The following UNC5C variants were observed in gnomAD, a reference collection of about 807,000 sequenced individuals.
UNC5C encodes netrin receptor UNC5C.
UNC5C carries 47 observed loss-of-function variants against 99.8 expected under a neutral mutation model. The ratio of observed to expected loss-of-function variants is 0.47; its 90% confidence interval spans 0.37 to 0.60. UNC5C has a LOEUF of 0.60. Ranked by LOEUF, UNC5C falls within the 20% of genes least tolerant of loss-of-function variation. The probability of loss-of-function intolerance (pLI) is 0.00; values close to 1 mark genes in which losing one functional copy is unlikely to be tolerated. For synonymous variants in UNC5C, 487 were observed against 452.2 expected, an observed-to-expected ratio of 1.08 and a Z score of -0.98; for missense variants, 1,062 against 1,165.9, an observed-to-expected ratio of 0.91 and a Z score of 1.30.
intron 14 of UNC5C, among the ~76,000 whole-genome samples, chr4:95,172,681 C>A (rs1443139636): frequency 1.3e-5 from 2 of 151,910 alleles, no homozygotes; most frequent in African/African-American, 4.8e-5. Flanking sequence ...TGTGATGCCT[C>A]CAGCTTTGTT....
At chr4:95,452,650 A>G (rs1747311573) in intron 1 of UNC5C, among the ~76,000 whole-genome samples, 1 of 152,216 alleles carries the variant, frequency 6.6e-6, no homozygotes, top group Non-Finnish European at 1.5e-5. Flanking sequence ...AGGTAGCACT[A>G]TCTTCACAGA....
At chr4:95,451,159 G>T (rs1301100289) in intron 1 of UNC5C, among the ~76,000 whole-genome samples, 1 of 152,172 alleles carries the variant, frequency 6.6e-6, no homozygotes, top group Non-Finnish European at 1.5e-5. Flanking sequence ...CAACGTGGAA[G>T]TCTTGTTAAT....
intron 1 of UNC5C, among the ~76,000 whole-genome samples, chr4:95,417,578 A>T (rs901754706): frequency 6.6e-6 from 1 of 152,204 alleles, no homozygotes; most frequent in African/African-American, 2.4e-5. Flanking sequence ...TCCTAAGCTA[A>T]TTAGCAATAC....
rs756809052 is a variant in UNC5C at position 95,185,043 on chromosome 4, T to G, written c.2286+4A>C. On this transcript the variant is annotated splice_donor_region_variant and intron_variant, in intron 13 of 15. Coordinates refer to ENST00000453304, the MANE Select transcript of UNC5C (RefSeq NM_003728.4). ...AGACCTTTTGTTCGGCTTGGGAACC[T>G]TACCTGATATTTAGCCAGCAATTTG... 1 of 1,609,802 alleles carries G rather than the reference T, an allele frequency of 6.2e-7. No individual in the cohort carries two copies. The highest frequency in any genetic ancestry group is 8.5e-7 in the Non-Finnish European group (1 of 1,178,746).
chr4:95,531,133 T>C (rs1376142047), intron 1 of UNC5C, among the ~76,000 whole-genome samples: 1 of 152,212 alleles, frequency 6.6e-6, no homozygotes, highest in Non-Finnish European at 1.5e-5. Flanking sequence ...CTTGCATTAA[T>C]GGGATTCTTA....
intron 1 of UNC5C, among the ~76,000 whole-genome samples, chr4:95,526,114 A>G (rs1411030781): frequency 2.0e-5 from 3 of 152,192 alleles, no homozygotes; most frequent in Admixed American, 1.3e-4. Flanking sequence ...CACAGAATAT[A>G]GTACATTTAA....
intron 1 of UNC5C, among the ~76,000 whole-genome samples, chr4:95,430,190 C>T (rs903678700): frequency 6.6e-6 from 1 of 151,986 alleles, no homozygotes; most frequent in African/African-American, 2.4e-5. Context: ...AATGTAGGTT[C>T]ATCAACTGTA....
chr4:95,374,633 C>T, intron 1 of UNC5C, among the ~76,000 whole-genome samples: 1 of 152,084 alleles, frequency 6.6e-6, no homozygotes, highest in East Asian at 1.9e-4. Flanking sequence ...GGAATCTTGA[C>T]TACCCAAGGC....
intron 1 of UNC5C, among the ~76,000 whole-genome samples, chr4:95,442,503 C>T (rs265021): frequency 0.55 from 82,918 of 150,934 alleles, 24,063 homozygotes; most frequent in Non-Finnish European, 0.65. Flanking sequence ...CCATCAAGCC[C>T]GCCTGTTTTT....
At chr4:95,415,924 TC>T (rs2149453934) in intron 1 of UNC5C, among the ~76,000 whole-genome samples, 1 of 151,968 alleles carries the variant, frequency 6.6e-6, no homozygotes, top group African/African-American at 2.4e-5. Context: ...GTTTTTTTTT[TC>T]ACTCTGGCAA....
chr4:95,462,171 CT>C (rs1277786647), intron 1 of UNC5C, among the ~76,000 whole-genome samples: 4 of 152,228 alleles, frequency 2.6e-5, no homozygotes, highest in East Asian at 1.9e-4. Context: ...TCAATGCTCA[CT>C]TTCCCCCCCT....
At chr4:95,255,287 C>T (rs1283636155) in intron 4 of UNC5C, among the ~76,000 whole-genome samples, 1 of 152,150 alleles carries the variant, frequency 6.6e-6, no homozygotes, top group African/African-American at 2.4e-5. Context: ...GCACCCCGCT[C>T]TGTGTTCTTG....
Position 95,165,618 on chromosome 4 carries a change from G to C in UNC5C, c.*3616C>G, listed in dbSNP as rs115178265. 1 of 152,066 alleles carries C rather than the reference G, an allele frequency of 6.6e-6. No homozygotes were observed. The highest frequency in any genetic ancestry group is 1.5e-5 in the Non-Finnish European group (1 of 68,002). The allele number at this position is 152,066 out of a possible 1,614,324, so 9.4% of individuals were successfully genotyped here. A position where few individuals can be genotyped will look rare whatever the true frequency, so the allele number is the denominator to read the frequency against. ...AAACAGGATGAAACCTCTGCCTTTG[G>C]ATTCCCAAATTCAGCAGAAAAGAAG... On this transcript the variant is annotated 3_prime_UTR_variant, in exon 16 of 16. Coordinates refer to ENST00000453304, the MANE Select transcript of UNC5C (RefSeq NM_003728.4).
At chr4:95,270,868 T>TACCTAAG (rs1740634943) in intron 4 of UNC5C, among the ~76,000 whole-genome samples, 1 of 152,150 alleles carries the variant, frequency 6.6e-6, no homozygotes, top group Admixed American at 6.5e-5. Context: ...TCCTAACCAG[T>TACCTAAG]TTTTACTATA....
chr4:95,476,689 T>C (rs1748159885), intron 1 of UNC5C, among the ~76,000 whole-genome samples: 1 of 152,102 alleles, frequency 6.6e-6, no homozygotes, highest in African/African-American at 2.4e-5. Flanking sequence ...TGCAACTACT[T>C]CAAATAATAA....
At chr4:95,250,776 G>C (rs528167549) in intron 4 of UNC5C, 109 bp from the exon 5 acceptor site, 1 of 1,093,060 alleles carries the variant, frequency 9.1e-7, no homozygotes, top group South Asian at 1.5e-5. Context: ...GCCGAGAAGC[G>C]ATACCTGTGT....
At chr4:95,270,944 T>C (rs1740637261) in intron 4 of UNC5C, among the ~76,000 whole-genome samples, 1 of 152,176 alleles carries the variant, frequency 6.6e-6, no homozygotes, top group South Asian at 2.1e-4. Context: ...AGTGTTCAGG[T>C]CTATAGCTAA....
intron 1 of UNC5C, among the ~76,000 whole-genome samples, chr4:95,537,043 C>T (rs1178685241): frequency 6.6e-6 from 1 of 152,160 alleles, no homozygotes; most frequent in Non-Finnish European, 1.5e-5. Context: ...TCTGCCACCC[C>T]ACTACGGTTA....
intron 12 of UNC5C, among the ~76,000 whole-genome samples, chr4:95,194,089 G>A (rs868404040): frequency 2.0e-5 from 3 of 152,122 alleles, no homozygotes; most frequent in Non-Finnish European, 4.4e-5. Context: ...CTGTGGCCAC[G>A]GATGCTTGGT....
Sources: gnomAD v4.1 joint callset for allele counts (sites outside exome capture counted in the v4.1 genomes callset) on GRCh38, gnomAD v4.1.1 for gene constraint, MANE v1.5 for transcripts, NCBI Gene and HGNC (gene_info 2026-07-23, HGNC 2026-07-21) for gene names.